Variants in SNRNP48 observed in about 807,000 individuals in gnomAD.
SNRNP48 encodes U11/U12 small nuclear ribonucleoprotein 48 kDa protein.
In SNRNP48, 43 loss-of-function variants were observed where a neutral mutation model predicts 47.0. That is an observed-to-expected ratio of 0.92 (90% confidence interval 0.72 to 1.18). SNRNP48 has a LOEUF of 1.18. Ranked by LOEUF, SNRNP48 falls within the 50% of genes most tolerant of loss-of-function variation. The pLI, the probability that SNRNP48 is intolerant of heterozygous loss-of-function variation, is 0.00. For missense variants in SNRNP48, 396 were observed against 422.2 expected (o/e 0.94, Z 0.54); for synonymous variants, 138 against 144.0 (o/e 0.96, Z 0.30).
intron 1 of SNRNP48, among the ~76,000 whole-genome samples, chr6:7,592,907 G>A (rs910154379): frequency 7.9e-5 from 12 of 152,182 alleles, no homozygotes; most frequent in Non-Finnish European, 1.6e-4. Flanking sequence ...TTGATTGGAC[G>A]TGGGTGATGA....
chr6:7,590,952 T>C (rs1313753154), intron 1 of SNRNP48, among the ~76,000 whole-genome samples: 1 of 152,208 alleles, frequency 6.6e-6, no homozygotes, highest in Admixed American at 6.5e-5. Context: ...CATTCCAGCC[T>C]GGGCGACAGA....
At chr6:7,603,865 T>C (rs1760077923) in intron 6 of SNRNP48, among the ~76,000 whole-genome samples, 1 of 152,252 alleles carries the variant, frequency 6.6e-6, no homozygotes, top group African/African-American at 2.4e-5. Flanking sequence ...TCTCGTCTCA[T>C]AACCCTTGTA....
intron 1 of SNRNP48, 36 bp downstream of exon 1, chr6:7,590,449 A>C: frequency 7.8e-7 from 1 of 1,274,920 alleles, no homozygotes; most frequent in Admixed American, 4.1e-5. Flanking sequence ...TTCGGGGACT[A>C]TCGGCCCGGG....
chr6:7,590,431 G>C lies in SNRNP48; in HGVS notation c.156+18G>C. The stretch of plus-strand genomic sequence containing the variant: ...CGGCGGAGGTGAGGAGCGCGGCCGC[G>C]GGGCCCTTTCGGGGACTATCGGCCC... On this transcript the variant is annotated intron_variant, in intron 1 of 8. Transcript: ENST00000342415. 1 of 1,282,580 alleles carries C rather than the reference G, an allele frequency of 7.8e-7. No individual in the cohort carries two copies. Among genetic ancestry groups the C allele is most frequent in the Non-Finnish European group, 1.0e-6 (1 of 1,004,890 alleles). The allele number at this position is 1,282,580 out of a possible 1,614,324, so 79.4% of individuals were successfully genotyped here. A position where few individuals can be genotyped will look rare whatever the true frequency, so the allele number is the denominator to read the frequency against.
chr6:7,601,291 A>G (rs745661493), intron 4 of SNRNP48, 45 bp from the exon 5 acceptor site: 14 of 1,451,950 alleles, frequency 9.6e-6, no homozygotes, highest in Admixed American at 7.7e-5. Flanking sequence ...TAAGTTCACA[A>G]TGCTTCATGT....
intron 1 of SNRNP48, among the ~76,000 whole-genome samples, chr6:7,593,024 TTTTG>T (rs1218514096): frequency 6.6e-6 from 1 of 152,112 alleles, no homozygotes; most frequent in African/African-American, 2.4e-5. Flanking sequence ...ATTAATTTAT[TTTTG>T]TTTGTGTTGA....
intron 4 of SNRNP48, chr6:7,600,769 G>A (rs1422847156): frequency 6.6e-6 from 1 of 152,130 alleles, no homozygotes; most frequent in Non-Finnish European, 1.5e-5. Context: ...GGAGGTGTGG[G>A]ATTTCTGCTA....
At chr6:7,590,498 C>T (rs1581831265) in intron 1 of SNRNP48, 85 bp downstream of exon 1, 9 of 1,232,544 alleles carry the variant, frequency 7.3e-6, no homozygotes, top group Non-Finnish European at 1.0e-6. Context: ...CTGGCAGCCG[C>T]GGAGGGAAGG....
At chr6:7,603,059 A>G (rs531308123) in intron 6 of SNRNP48, among the ~76,000 whole-genome samples, 1 of 152,138 alleles carries the variant, frequency 6.6e-6, no homozygotes, top group Non-Finnish European at 1.5e-5. Flanking sequence ...GCTGTTTCTC[A>G]TTGGCTCTTT....
In SNRNP48 at chr6:7,590,359, G is replaced by T. The variant is rs771186466; in HGVS notation, c.102G>T (p.Ala34=). The part of the protein sequence containing the change: ...SGCRTLEEVT[A]SLGWDLDSLD... Reference sequence around the variant, plus strand: ...GCCGGACGTTGGAGGAGGTGACCGCGTCCCTGGGCTGGGACCTAGATAGTC... The same window carrying T: ...GCCGGACGTTGGAGGAGGTGACCGCTTCCCTGGGCTGGGACCTAGATAGTC... Residue 34 remains alanine, a synonymous_variant, in exon 1 of 9, where the codon GCG becomes GCT. Coordinates refer to ENST00000342415, the MANE Select transcript of SNRNP48 (RefSeq NM_152551.4). 11 of 1,384,208 alleles carry T rather than the reference G, an allele frequency of 7.9e-6. No individual in the cohort carries two copies. The highest frequency in any genetic ancestry group is 1.0e-5 in the Non-Finnish European group (11 of 1,056,084). The allele number at this position is 1,384,208 out of a possible 1,614,324, so 85.7% of individuals were successfully genotyped here.
rs548563213 is a variant in SNRNP48, at chr6:7,595,233, T to A, written c.406+132T>A. 18 of 696,106 alleles carry A rather than the reference T, an allele frequency of 2.6e-5. No individual in the cohort carries two copies. In the African/African-American group the frequency reaches 2.6e-4, roughly 10 times the overall value. The allele number at this position is 696,106 out of a possible 1,614,324, so 43.1% of individuals were successfully genotyped here. On this transcript the variant is annotated intron_variant, in intron 4 of 8. Coordinates refer to ENST00000342415, the MANE Select transcript of SNRNP48 (RefSeq NM_152551.4). ...GAAAGGTAAAGTTTTACATTTAACA[T>A]TGGGCTAATTTGCTTCGTTTCAACT... is the stretch of plus-strand genomic sequence containing the variant.
At chr6:7,603,788 GT>G (rs1760075441) in intron 6 of SNRNP48, among the ~76,000 whole-genome samples, 1 of 152,126 alleles carries the variant, frequency 6.6e-6, no homozygotes, top group Non-Finnish European at 1.5e-5. Context: ...AGAGACCTGG[GT>G]CCCTGTCATA....
Position 7,608,909 on chromosome 6 carries a change from C to T in SNRNP48, c.*36C>T, listed in dbSNP as rs1469369108. 1 of 1,193,100 alleles carries T rather than the reference C, an allele frequency of 8.4e-7. No individual in the cohort carries two copies. The highest frequency in any genetic ancestry group is 1.2e-6 in the Non-Finnish European group (1 of 852,352). 73.9% of individuals were successfully genotyped at this position (1,193,100 alleles called of 1,614,324 possible). A position where few individuals can be genotyped will look rare whatever the true frequency, so the allele number is the denominator to read the frequency against. ...TGTACCTATATTAATTATGCTTACG[C>T]CATGATAACCAATATACAGATATAT... On this transcript the variant is annotated 3_prime_UTR_variant, in exon 9 of 9. Transcript: ENST00000342415.
Position 7,608,753 on chromosome 6 carries a change from G to GAAAGTGGTGTATTACTGTTT in SNRNP48, c.972-70_972-69insAGTGGTGTATTACTGTTTAA, listed in dbSNP as rs1760178289. 9 of 874,904 alleles carry GAAAGTGGTGTATTACTGTTT rather than the reference G, an allele frequency of 1.0e-5. No individual in the cohort carries two copies. The South Asian group carries it at 1.8e-4, about 18-fold the overall frequency. The allele number at this position is 874,904 out of a possible 1,614,324, so 54.2% of individuals were successfully genotyped here. ...CTGTTGAAAGTGGTGTATTACTGTT[G>GAAAGTGGTGTATTACTGTTT]AATTATTTTAAAGCTCTGATATTAA... On this transcript the variant is annotated intron_variant, in intron 8 of 8. Coordinates refer to ENST00000342415, the MANE Select transcript of SNRNP48 (RefSeq NM_152551.4).
At chr6:7,600,046 C>T in intron 4 of SNRNP48, 1 of 996,438 alleles carries the variant, frequency 1.0e-6, no homozygotes, top group Non-Finnish European at 1.2e-6. Context: ...AGGAATTAGG[C>T]TTATCAAAGC....
At chr6:7,606,428 TCTTA>T (rs551952684) in intron 8 of SNRNP48, among the ~76,000 whole-genome samples, 11 of 152,322 alleles carry the variant, frequency 7.2e-5, no homozygotes, top group South Asian at 2.1e-4. Flanking sequence ...CTTTTTTATC[TCTTA>T]CTTGCTTGCT....
chr6:7,595,141 TTA>T (rs1759881692), intron 4 of SNRNP48, 40 bp downstream of exon 4: 4 of 1,476,290 alleles, frequency 2.7e-6, no homozygotes, highest in Non-Finnish European at 3.6e-6. Flanking sequence ...AAGAATGAAA[TTA>T]TTATTTTTCT....
In SNRNP48 at chr6:7,610,607, T is replaced by C. The variant is rs1284401187; in HGVS notation, c.*1734T>C. ...GAGTAAAATTGGCATATTTAGGTTT[T>C]TTGTAGAAGAAAGATACAAGTGAAA... On this transcript the variant is annotated 3_prime_UTR_variant, in exon 9 of 9. Transcript: ENST00000342415. 6.6e-6 allele frequency: 1 copy of C among 152,246 alleles called. No individual in the cohort carries two copies. Among genetic ancestry groups the C allele is most frequent in the Non-Finnish European group, 1.5e-5 (1 of 68,042 alleles). 9.4% of individuals were successfully genotyped at this position (152,246 alleles called of 1,614,324 possible). A position where few individuals can be genotyped will look rare whatever the true frequency, so the allele number is the denominator to read the frequency against.
intron 6 of SNRNP48, 36 bp from the exon 7 acceptor site, chr6:7,605,360 GTT>G: frequency 6.4e-7 from 1 of 1,565,332 alleles, no homozygotes; most frequent in Non-Finnish European, 8.8e-7. Flanking sequence ...TTTTTGAGCA[GTT>G]TTCTTACCTG....
Sources: gnomAD v4.1 joint callset for allele counts (sites outside exome capture counted in the v4.1 genomes callset) on GRCh38, gnomAD v4.1.1 for gene constraint, MANE v1.5 for transcripts, NCBI Gene and HGNC (gene_info 2026-07-23, HGNC 2026-07-21) for gene names.